Variants in GABRB1 observed in about 807,000 individuals in gnomAD.
The protein encoded by GABRB1 is gamma-aminobutyric acid receptor subunit beta-1.
GABRB1 carries 17 observed loss-of-function variants against 51.6 expected under a neutral mutation model. The observed-to-expected ratio is 0.33, with a 90% CI of 0.23 to 0.49. The LOEUF is 0.49. Among genes scored for constraint, GABRB1 ranks in the 20% least tolerant of loss-of-function variants. The probability of loss-of-function intolerance (pLI) is 0.99; values close to 1 mark genes in which losing one functional copy is unlikely to be tolerated. For synonymous variants in GABRB1, 247 were observed against 218.9 expected, an observed-to-expected ratio of 1.13 and a Z score of -1.14; for missense variants, 410 against 600.6, an observed-to-expected ratio of 0.68 and a Z score of 3.32.
In GABRB1 at chr4:47,166,187, CATAA is replaced by C. The variant is rs1411964307; in HGVS notation, c.461+4720_461+4723del. Reference sequence around the variant, plus strand: ...TAAGTATGTTTTAAATATTTTATCCCATAAACATTTCATGGAATATACAGTTGAC... The same window carrying C: ...TAAGTATGTTTTAAATATTTTATCCCACATTTCATGGAATATACAGTTGAC... On this transcript the variant is annotated intron_variant, in intron 4 of 8. Transcript: ENST00000295454. Among the ~76,000 whole-genome samples the C allele has an allele frequency of 3.9e-5, 6 of 152,166 alleles. No individual in the cohort carries two copies. The East Asian group carries it at 1.2e-3, about 29-fold the overall frequency.
chr4:47,109,592 G>A (rs943718676), intron 3 of GABRB1, among the ~76,000 whole-genome samples: 1 of 152,010 alleles, frequency 6.6e-6, no homozygotes, highest in Non-Finnish European at 1.5e-5. Context: ...CATGTGTAAG[G>A]CCTGAGGTAT....
intron 5 of GABRB1, among the ~76,000 whole-genome samples, chr4:47,372,555 A>G (rs1040957713): frequency 6.6e-6 from 1 of 152,148 alleles, no homozygotes; most frequent in African/African-American, 2.4e-5. Context: ...TTAAAATTTC[A>G]ATCTCTTCCC....
intron 4 of GABRB1, among the ~76,000 whole-genome samples, chr4:47,294,229 C>A (rs1467007301): frequency 1.3e-5 from 2 of 152,158 alleles, no homozygotes; most frequent in Non-Finnish European, 2.9e-5. Flanking sequence ...GGGTTCATCT[C>A]ACTAGGGAGT....
intron 3 of GABRB1, among the ~76,000 whole-genome samples, chr4:47,131,165 A>ATT (rs1432111315): frequency 1.4e-5 from 2 of 146,260 alleles, no homozygotes; most frequent in African/African-American, 5.0e-5. Flanking sequence ...CTTCTGGAGA[A>ATT]TTTTTTTTTT....
At chr4:47,230,802 AT>A (rs778918894) in intron 4 of GABRB1, among the ~76,000 whole-genome samples, 1 of 152,048 alleles carries the variant, frequency 6.6e-6, no homozygotes, top group Non-Finnish European at 1.5e-5. Flanking sequence ...CATCTTGAGG[AT>A]TTGGGTTATG....
At chr4:47,112,171 A>G (rs1715242186) in intron 3 of GABRB1, among the ~76,000 whole-genome samples, 1 of 151,648 alleles carries the variant, frequency 6.6e-6, no homozygotes, top group Non-Finnish European at 1.5e-5. Context: ...TTGTTTTTGT[A>G]TTTTTAGTAG....
At chr4:47,034,394 A>T (rs1725464234) in intron 3 of GABRB1, among the ~76,000 whole-genome samples, 1 of 152,162 alleles carries the variant, frequency 6.6e-6, no homozygotes, top group South Asian at 2.1e-4. Flanking sequence ...TTTAATTGAA[A>T]TACCACTGGA....
intron 4 of GABRB1, among the ~76,000 whole-genome samples, chr4:47,283,754 G>A (rs1288116587): frequency 6.6e-6 from 1 of 151,944 alleles, no homozygotes; most frequent in Admixed American, 6.6e-5. Context: ...GAGTTCAGAT[G>A]GAGAAAGAAT....
At chr4:47,361,610 C>A (rs1726809179) in intron 5 of GABRB1, among the ~76,000 whole-genome samples, 1 of 152,086 alleles carries the variant, frequency 6.6e-6, no homozygotes, top group Non-Finnish European at 1.5e-5. Context: ...GTGACTAGAC[C>A]AGTTCAGTAG....
rs138411046 is a variant in GABRB1, at chr4:47,133,397, C to A, written c.241-27852C>A. The stretch of plus-strand genomic sequence containing the variant: ...ATAATTAATAAAGGGTCAAAGCAAA[C>A]TGTAGCAATGAATGTAGATATTGAT... On this transcript the variant is annotated intron_variant, in intron 3 of 8. Transcript: ENST00000295454. Among the ~76,000 whole-genome samples the A allele has an allele frequency of 5.2e-3, 793 of 152,268 alleles. 7 individuals carry two copies. The highest frequency in any genetic ancestry group is 0.018 in the African/African-American group (743 of 41,566).
intron 8 of GABRB1, 62 bp downstream of exon 8, chr4:47,406,988 G>A: frequency 6.7e-7 from 1 of 1,492,854 alleles, no homozygotes; most frequent in East Asian, 2.3e-5. Context: ...TGATGCCTCG[G>A]GCTCTCATAA....
At chr4:47,025,876 C>CTACTT in intron 1 of GABRB1, among the ~76,000 whole-genome samples, 1 of 151,980 alleles carries the variant, frequency 6.6e-6, no homozygotes, top group Non-Finnish European at 1.5e-5. Flanking sequence ...GCCTTTACTA[C>CTACTT]TTCCGTTTTT....
chr4:47,189,791 A>G (rs1159075299), intron 4 of GABRB1, among the ~76,000 whole-genome samples: 2 of 151,942 alleles, frequency 1.3e-5, no homozygotes, highest in Admixed American at 1.3e-4. Context: ...CCCAGAAACT[A>G]ACAGAGTTCC....
At chr4:47,280,725 G>A (rs1207544494) in intron 4 of GABRB1, among the ~76,000 whole-genome samples, 2 of 150,760 alleles carry the variant, frequency 1.3e-5, no homozygotes, top group Admixed American at 6.6e-5. Context: ...ACAGTTCACT[G>A]TTACCTCTAA....
chr4:47,273,866 C>CACACAT (rs762816377), intron 4 of GABRB1, among the ~76,000 whole-genome samples: 818 of 64,546 alleles, frequency 0.013, 7 homozygotes, highest in African/African-American at 0.045. Context: ...TATATACATA[C>CACACAT]ACACACACAC....
intron 1 of GABRB1, among the ~76,000 whole-genome samples, chr4:47,014,832 T>C (rs183629287): frequency 5.9e-5 from 9 of 152,342 alleles, no homozygotes; most frequent in East Asian, 5.8e-4. Context: ...TGAAAAAGTA[T>C]AGAATAAGGC....
intron 2 of GABRB1, 61 bp from the exon 3 acceptor site, chr4:47,032,356 C>A: frequency 7.0e-7 from 1 of 1,426,390 alleles, no homozygotes; most frequent in Non-Finnish European, 9.6e-7. Flanking sequence ...AGCCCCCAGA[C>A]CCTCCCCAGC....
At chr4:47,339,216 C>T (rs897551784) in intron 5 of GABRB1, among the ~76,000 whole-genome samples, 6 of 152,116 alleles carry the variant, frequency 3.9e-5, no homozygotes, top group Non-Finnish European at 8.8e-5. Flanking sequence ...GGTATGTGGT[C>T]TGTGAGTATG....
At chr4:47,255,017 C>G (rs911064483) in intron 4 of GABRB1, among the ~76,000 whole-genome samples, 3 of 152,188 alleles carry the variant, frequency 2.0e-5, no homozygotes, top group African/African-American at 7.2e-5. Context: ...GTTCTTTTCT[C>G]TCTTTCCTTT....
Sources: gnomAD v4.1 joint callset for allele counts (sites outside exome capture counted in the v4.1 genomes callset) on GRCh38, gnomAD v4.1.1 for gene constraint, MANE v1.5 for transcripts, NCBI Gene and HGNC (gene_info 2026-07-23, HGNC 2026-07-21) for gene names.